CACNA1D: variants seen among roughly 807,000 people sequenced by gnomAD.
CACNA1D encodes calcium voltage-gated channel subunit alpha1 D, also known as voltage-dependent L-type calcium channel subunit alpha-1D.
CACNA1D carries 55 observed loss-of-function variants against 257.1 expected under a neutral mutation model. That is an observed-to-expected ratio of 0.21 (90% CI 0.17 to 0.27). CACNA1D has a LOEUF of 0.27. CACNA1D is among the 10% of genes least tolerant of loss of function. CACNA1D has a pLI of 1.00. For synonymous variants in CACNA1D, 980 were observed against 1,014.9 expected (o/e 0.97, Z 0.65); for missense variants, 1,876 against 2,784.0 (o/e 0.67, Z 7.34).
At chr3:53,500,260 A>G (rs2090538328) in intron 2 of CACNA1D, among the ~76,000 whole-genome samples, 1 of 147,224 alleles carries the variant, frequency 6.8e-6, no homozygotes, top group Non-Finnish European at 1.5e-5. Context: ...TACTAAAAAA[A>G]AAAAAAAAAA....
chr3:53,738,648 T>C (rs2095083036), intron 20 of CACNA1D, among the ~76,000 whole-genome samples: 1 of 152,194 alleles, frequency 6.6e-6, no homozygotes, highest in Non-Finnish European at 1.5e-5. Flanking sequence ...CCTGCTGCCT[T>C]ACCCAAAAAT....
chr3:53,779,108 G>A (rs1325050183), intron 37 of CACNA1D, among the ~76,000 whole-genome samples: 4 of 152,014 alleles, frequency 2.6e-5, no homozygotes, highest in African/African-American at 7.3e-5. Flanking sequence ...AGACCAACCT[G>A]GGCAACAAAG....
intron 3 of CACNA1D, among the ~76,000 whole-genome samples, chr3:53,581,271 G>A (rs892313337): frequency 6.6e-5 from 10 of 152,120 alleles, no homozygotes; most frequent in South Asian, 2.1e-4. Context: ...GAGAGCTGAG[G>A]GTGTCATTTT....
rs769185545 is a variant in CACNA1D, at chr3:53,803,617, C to G, written c.5585+45C>G. 82 of 1,603,582 alleles carry G rather than the reference C, an allele frequency of 5.1e-5. 1 individual carries two copies. In the Middle Eastern group the frequency reaches 5.6e-4, roughly 11 times the overall value. ...GTGGAGAGCGGGAGGCCGCCCTGCC[C>G]TGGTGCTCGGCCCACTCCGGAAGCC... On this transcript the variant is annotated intron_variant, in intron 44 of 47. Transcript: ENST00000350061.
chr3:53,732,159 C>A, intron 18 of CACNA1D, 77 bp downstream of exon 18: 1 of 1,148,918 alleles, frequency 8.7e-7, no homozygotes. Context: ...GCCGAGTCTG[C>A]GGCCAGCCAG....
intron 7 of CACNA1D, among the ~76,000 whole-genome samples, chr3:53,669,854 GTTTA>G (rs2094305710): frequency 6.6e-6 from 1 of 152,182 alleles, no homozygotes; most frequent in African/African-American, 2.4e-5. Context: ...GGGAAAGAGT[GTTTA>G]TTTAGCCTGG....
intron 8 of CACNA1D, among the ~76,000 whole-genome samples, chr3:53,681,975 C>T (rs947382553): frequency 6.6e-6 from 1 of 152,044 alleles, no homozygotes; most frequent in South Asian, 2.1e-4. Context: ...ACTGGGAGAG[C>T]TGGAGATGAA....
chr3:53,750,744 G>A (rs1173924287), intron 27 of CACNA1D, among the ~76,000 whole-genome samples: 1 of 152,192 alleles, frequency 6.6e-6, no homozygotes, highest in African/African-American at 2.4e-5. Flanking sequence ...TCCCTGGAGT[G>A]AGCATGTGAG....
At chr3:53,809,557 T>C in intron 46 of CACNA1D, 1 of 281,526 alleles carries the variant, frequency 3.6e-6, no homozygotes, top group East Asian at 8.6e-5. Flanking sequence ...TAGGATGCAT[T>C]ACTCCAGAGC....
At position 53,631,653 on chromosome 3, in the gene CACNA1D, A is replaced by G. The variant is rs143781151; in HGVS notation, c.484-19126A>G. 7.9e-3 allele frequency among the ~76,000 whole-genome samples: 1,209 copies of G among 152,344 alleles called. 13 individuals carry two copies. Among genetic ancestry groups the G allele is most frequent in the African/African-American group, 0.027 (1,107 of 41,572 alleles). ...TCAATTTACTTTGCCCAGATCTGTAAGAGGAATTGCTATCTATGGGAGCTG... is the reference window on the plus strand; with the variant it reads ...TCAATTTACTTTGCCCAGATCTGTAGGAGGAATTGCTATCTATGGGAGCTG... On this transcript the variant is annotated intron_variant, in intron 3 of 47. Coordinates refer to ENST00000350061, the MANE Select transcript of CACNA1D (RefSeq NM_001128840.3).
At chr3:53,762,484 G>A in intron 30 of CACNA1D, 1 of 452,688 alleles carries the variant, frequency 2.2e-6, no homozygotes, top group South Asian at 1.6e-5. Flanking sequence ...TTGTAACACT[G>A]TCCTTTTCTT....
At chr3:53,508,743 GA>G (rs2090973128) in intron 3 of CACNA1D, among the ~76,000 whole-genome samples, 1 of 152,168 alleles carries the variant, frequency 6.6e-6, no homozygotes, top group African/African-American at 2.4e-5. Flanking sequence ...AATACAGGGT[GA>G]CAGCATGCCC....
Position 53,800,753 on chromosome 3 carries a change from TG to T in CACNA1D, c.5041-301del. ...CCAGCCCAGAGAGCATGCCCAACCTTGGGGCCACCAGCCAGCCCAGCTGGGT... is the reference window on the plus strand; with the variant it reads ...CCAGCCCAGAGAGCATGCCCAACCTTGGGCCACCAGCCAGCCCAGCTGGGT... On this transcript the variant is annotated intron_variant, in intron 41 of 47. Transcript: ENST00000350061. This position sits in a 1 kb window ranked among gnomAD's most constrained non-coding sequence, Gnocchi z 4.3. 1.9e-6 allele frequency: 1 copy of T among 515,980 alleles called. No homozygotes were observed. Among genetic ancestry groups the T allele is most frequent in the Non-Finnish European group, 3.5e-6 (1 of 284,470 alleles). 32.0% of individuals were successfully genotyped at this position (515,980 alleles called of 1,614,324 possible).
chr3:53,643,473 G>A (rs1390843187), intron 3 of CACNA1D, among the ~76,000 whole-genome samples: 1 of 152,012 alleles, frequency 6.6e-6, no homozygotes, highest in Admixed American at 6.5e-5. Flanking sequence ...CAGCCTGAAT[G>A]TGCACGATGG....
intron 18 of CACNA1D, among the ~76,000 whole-genome samples, 174 bp from the exon 19 acceptor site, chr3:53,732,641 C>A (rs1576492099): frequency 6.6e-6 from 1 of 152,088 alleles, no homozygotes; most frequent in Admixed American, 6.5e-5. Flanking sequence ...TCAGCACCCC[C>A]CACCCCTGCA....
At chr3:53,772,675 C>T (rs541144097) in intron 32 of CACNA1D, among the ~76,000 whole-genome samples, 158 bp from the exon 33 acceptor site, 1 of 152,324 alleles carries the variant, frequency 6.6e-6, no homozygotes, top group South Asian at 2.1e-4. Flanking sequence ...TTGGGCAGGG[C>T]TGGGATTTAA....
At position 53,713,279 on chromosome 3, in the gene CACNA1D, A is replaced by T. The variant is rs142484687; in HGVS notation, c.1391-5022A>T. Among the ~76,000 whole-genome samples, 18 of 152,326 alleles carry T rather than the reference A, an allele frequency of 1.2e-4. No individual in the cohort carries two copies. In the East Asian group the frequency reaches 3.3e-3, roughly 28 times the overall value. Reference sequence around the variant, plus strand: ...TAGAGATGATACTGTCCTACAACTCATCTTACAGATCTGGTAGCCAAGCAT... The same window carrying T: ...TAGAGATGATACTGTCCTACAACTCTTCTTACAGATCTGGTAGCCAAGCAT... On this transcript the variant is annotated intron_variant, in intron 9 of 47. Transcript: ENST00000350061.
chr3:53,765,179 T>C (rs899387495), intron 30 of CACNA1D, among the ~76,000 whole-genome samples: 18 of 152,314 alleles, frequency 1.2e-4, no homozygotes, highest in African/African-American at 4.1e-4. Context: ...TGTAAATACA[T>C]GACAGTGGGA....
chr3:53,526,416 A>T (rs1016583423), intron 3 of CACNA1D, among the ~76,000 whole-genome samples: 1 of 151,566 alleles, frequency 6.6e-6, no homozygotes, highest in African/African-American at 2.4e-5. Context: ...GTATGAGTAC[A>T]GCATCTTGTT....
Sources: gnomAD v4.1 joint callset for allele counts (sites outside exome capture counted in the v4.1 genomes callset) on GRCh38, gnomAD v4.1.1 for gene constraint, Gnocchi (gnomAD v3.1) non-coding constraint, MANE v1.5 for transcripts, NCBI Gene and HGNC (gene_info 2026-07-23, HGNC 2026-07-21) for gene names.